BACE2: variants seen among roughly 807,000 people sequenced by gnomAD.
The protein encoded by BACE2 is 56 kDa aspartic-like protease.
A neutral mutation model predicts 46.2 loss-of-function variants in BACE2; 17 were observed. That is an observed-to-expected ratio of 0.37 (90% confidence interval 0.25 to 0.55). BACE2 has a LOEUF of 0.55. Among genes scored for constraint, BACE2 ranks in the 20% least tolerant of loss-of-function variants. The probability of loss-of-function intolerance (pLI) is 0.82; values close to 1 mark genes in which losing one functional copy is unlikely to be tolerated. For synonymous variants in BACE2, 277 were observed against 295.9 expected (o/e 0.94, Z 0.66); for missense variants, 595 against 698.1 (o/e 0.85, Z 1.66).
At chr21:41,182,217 G>A (rs1409387674) in intron 1 of BACE2, 3 of 167,072 alleles carry the variant, frequency 1.8e-5, no homozygotes, top group African/African-American at 7.2e-5. Flanking sequence ...ACTGATATTG[G>A]TTGTGGTTGT....
chr21:41,174,138 C>CTGTTTTTTTTTTTTTTTT (rs1568853912), intron 1 of BACE2, among the ~76,000 whole-genome samples: 2 of 70,650 alleles, frequency 2.8e-5, no homozygotes, highest in South Asian at 6.3e-4. Flanking sequence ...TGATCAGTGG[C>CTGTTTTTTTTTTTTTTTT]CTTTTTTTTT....
rs190517541 is a variant in BACE2 at position 41,235,019 on chromosome 21, C to A, written c.402-2494C>A. ...AAGCCAACCATCTTTATATTCTGTA[C>A]CCCATTATGAAGTTAGAATCAGCTG... On this transcript the variant is annotated intron_variant, in intron 2 of 8. Transcript: ENST00000330333. 1.0e-3 allele frequency among the ~76,000 whole-genome samples: 153 copies of A among 152,320 alleles called. 1 individual carries two copies. Among genetic ancestry groups the A allele is most frequent in the African/African-American group, 3.6e-3 (149 of 41,572 alleles).
intron 8 of BACE2, among the ~76,000 whole-genome samples, chr21:41,266,225 T>C (rs1000869175): frequency 1.3e-5 from 2 of 152,236 alleles, no homozygotes; most frequent in African/African-American, 2.4e-5. Flanking sequence ...AATTGTACTT[T>C]AATGGGTTTT....
intron 7 of BACE2, 119 bp from the exon 8 acceptor site, chr21:41,257,039 C>T: frequency 9.2e-7 from 1 of 1,086,234 alleles, no homozygotes; most frequent in Non-Finnish European, 1.3e-6. Flanking sequence ...CTTTCTTCTC[C>T]CGTGACTCCC....
At chr21:41,227,951 A>G (rs1171542002) in intron 2 of BACE2, among the ~76,000 whole-genome samples, 3 of 152,154 alleles carry the variant, frequency 2.0e-5, no homozygotes. Flanking sequence ...ACTGCTCATC[A>G]TGGAACAGGA....
At chr21:41,197,847 G>T (rs1284114360) in intron 1 of BACE2, among the ~76,000 whole-genome samples, 4 of 152,174 alleles carry the variant, frequency 2.6e-5, no homozygotes, top group Non-Finnish European at 4.4e-5. Context: ...AGGTTGGCTG[G>T]TCCCCCACTG....
intron 1 of BACE2, among the ~76,000 whole-genome samples, chr21:41,171,283 G>A (rs548600325): frequency 5.3e-5 from 8 of 152,350 alleles, no homozygotes; most frequent in Non-Finnish European, 1.0e-4. Context: ...AGGTGTGCAC[G>A]GGAGAGGCCT....
At chr21:41,184,513 G>A (rs1221485701) in intron 1 of BACE2, 1 of 167,086 alleles carries the variant, frequency 6.0e-6, no homozygotes, top group African/African-American at 2.4e-5. Flanking sequence ...TACTCTTTGA[G>A]TGTTCCCTCA....
At chr21:41,209,196 A>G (rs1480945496) in intron 1 of BACE2, among the ~76,000 whole-genome samples, 2 of 152,214 alleles carry the variant, frequency 1.3e-5, no homozygotes, top group Non-Finnish European at 2.9e-5. Flanking sequence ...GATTCTGATT[A>G]AAGCCCCTGT....
intron 2 of BACE2, among the ~76,000 whole-genome samples, chr21:41,237,306 C>T (rs1306733539): frequency 2.0e-5 from 3 of 152,098 alleles, no homozygotes; most frequent in Non-Finnish European, 2.9e-5. Flanking sequence ...ATTAGCTGGG[C>T]GTGGTGATGT....
intron 3 of BACE2, among the ~76,000 whole-genome samples, chr21:41,241,112 CT>C (rs1223167538): frequency 6.6e-6 from 1 of 152,206 alleles, no homozygotes; most frequent in Non-Finnish European, 1.5e-5. Context: ...CACCTCACAG[CT>C]GTTTACGGAC....
chr21:41,256,811 C>T (rs1281802083), intron 7 of BACE2, among the ~76,000 whole-genome samples: 1 of 152,182 alleles, frequency 6.6e-6, no homozygotes, highest in African/African-American at 2.4e-5. Context: ...TCTCATGGGC[C>T]ATGGTCACTC....
chr21:41,243,847 A>G (rs973910846), intron 5 of BACE2, among the ~76,000 whole-genome samples: 4 of 152,270 alleles, frequency 2.6e-5, no homozygotes, highest in African/African-American at 9.6e-5. Flanking sequence ...TGAAATAAAC[A>G]GATTTTTAAT....
intron 5 of BACE2, 71 bp from the exon 6 acceptor site, chr21:41,245,891 C>T (rs1380928795): frequency 1.4e-5 from 16 of 1,176,948 alleles, no homozygotes; most frequent in Non-Finnish European, 1.7e-5. Flanking sequence ...ATGGTGATGG[C>T]GGCTAGAGCC....
At chr21:41,200,321 A>T (rs73364458) in intron 1 of BACE2, among the ~76,000 whole-genome samples, 6,105 of 152,188 alleles carry the variant, frequency 0.04, 393 homozygotes, top group African/African-American at 0.14. Flanking sequence ...TTAGTTTATG[A>T]GTCTGTCCAA....
chr21:41,197,034 T>C (rs1985756540), intron 1 of BACE2, among the ~76,000 whole-genome samples: 1 of 152,184 alleles, frequency 6.6e-6, no homozygotes, highest in Non-Finnish European at 1.5e-5. Flanking sequence ...CAGTTACTGC[T>C]CACCGCAGGT....
chr21:41,253,162 C>T (rs963318216), intron 7 of BACE2, among the ~76,000 whole-genome samples: 2 of 152,206 alleles, frequency 1.3e-5, no homozygotes, highest in African/African-American at 4.8e-5. Flanking sequence ...GTGCTCTTGG[C>T]CGGGCGCAGT....
At chr21:41,219,779 A>G (rs1986582476) in intron 1 of BACE2, among the ~76,000 whole-genome samples, 1 of 151,878 alleles carries the variant, frequency 6.6e-6, no homozygotes, top group Non-Finnish European at 1.5e-5. Context: ...CCACACACTG[A>G]TTTCCCTCTG....
chr21:41,243,310 T>C (rs1482051898), intron 4 of BACE2, 66 bp from the exon 5 acceptor site: 2 of 1,351,216 alleles, frequency 1.5e-6, no homozygotes, highest in Admixed American at 5.1e-5. Flanking sequence ...TGCATGCTTC[T>C]CTGTGTAACC....
Sources: allele counts gnomAD v4.1 joint callset (sites outside exome capture counted in the v4.1 genomes callset), GRCh38; gene constraint gnomAD v4.1.1; transcripts MANE v1.5; gene names NCBI Gene and HGNC (gene_info 2026-07-23, HGNC 2026-07-21).